The following TRPM3 variants were observed in gnomAD, a reference collection of about 807,000 sequenced individuals.
TRPM3 encodes long transient receptor potential channel 3.
Under a neutral mutation model 181.2 loss-of-function variants are expected in TRPM3, and 77 were observed. That is an observed-to-expected ratio of 0.42 (90% CI 0.35 to 0.51). TRPM3 has a LOEUF of 0.51. Among genes scored for constraint, TRPM3 ranks in the 20% least tolerant of loss-of-function variants. The pLI, the probability that TRPM3 is intolerant of heterozygous loss-of-function variation, is 0.01. For missense variants in TRPM3, 1,759 were observed against 2,196.7 expected (o/e 0.80, Z 3.98); for synonymous variants, 745 against 796.4 (o/e 0.94, Z 1.09).
intron 25 of TRPM3, among the ~76,000 whole-genome samples, 193 bp downstream of exon 25, chr9:70,549,349 G>A (rs1038907876): frequency 6.6e-6 from 1 of 152,164 alleles, no homozygotes; most frequent in Non-Finnish European, 1.5e-5. Context: ...GAGAAGTCTA[G>A]GATCTGTAAG....
At chr9:71,143,930 C>A (rs548427085) in intron 1 of TRPM3, among the ~76,000 whole-genome samples, 1 of 152,100 alleles carries the variant, frequency 6.6e-6, no homozygotes, top group Non-Finnish European at 1.5e-5. Context: ...ATTTGCAGTT[C>A]TCTAATGATC....
intron 19 of TRPM3, among the ~76,000 whole-genome samples, chr9:70,609,054 T>C (rs1234019310): frequency 6.6e-6 from 1 of 152,196 alleles, no homozygotes; most frequent in Non-Finnish European, 1.5e-5. Flanking sequence ...ACATTGTACT[T>C]ATATGTCAAG....
Position 70,624,717 on chromosome 9 carries a change from C to T in TRPM3, c.1809+474G>A, listed in dbSNP as rs374647728. Among the ~76,000 whole-genome samples, 110 of 152,268 alleles carry T rather than the reference C, an allele frequency of 7.2e-4. 3 individuals are homozygous for T. In the South Asian group the frequency reaches 0.021, roughly 29 times the overall value. On this transcript the variant is annotated intron_variant, in intron 14 of 25. Coordinates refer to ENST00000677713, the MANE Select transcript of TRPM3 (RefSeq NM_001366145.2). ...ACTGAATCCACAAGTAGATATCTAG[C>T]CCTCTTCTATTAAGCTGGACATTAC...
intron 1 of TRPM3, among the ~76,000 whole-genome samples, chr9:71,286,364 A>C (rs2085276897): frequency 6.6e-6 from 1 of 152,148 alleles, no homozygotes; most frequent in African/African-American, 2.4e-5. Flanking sequence ...TCGTGCTGTG[A>C]TTTGCCCTTC....
intron 9 of TRPM3, among the ~76,000 whole-genome samples, chr9:70,658,208 G>T (rs922750679): frequency 1.3e-5 from 2 of 152,086 alleles, no homozygotes; most frequent in Non-Finnish European, 2.9e-5. Flanking sequence ...AAAGAATGAA[G>T]GTTATAACCT....
upstream of TRPM3, among the ~76,000 whole-genome samples, chr9:71,124,198 C>T (rs1448877435): frequency 6.6e-6 from 1 of 151,774 alleles, no homozygotes; most frequent in African/African-American, 2.4e-5. Flanking sequence ...GAATTGTTTG[C>T]TATCAAAACA....
chr9:70,827,687 G>T, intron 6 of TRPM3, 160 bp downstream of exon 6: 1 of 792,576 alleles, frequency 1.3e-6, no homozygotes, highest in Non-Finnish European at 2.0e-6. Context: ...GTTCTCCTCT[G>T]GATGGCTTCC....
At chr9:70,605,783 C>CAAATTCCATCACTTGTAGGTG (rs960718920) in intron 19 of TRPM3, among the ~76,000 whole-genome samples, 3 of 152,220 alleles carry the variant, frequency 2.0e-5, no homozygotes, top group Non-Finnish European at 2.9e-5. Context: ...TTAGTTGGGT[C>CAAATTCCATCACTTGTAGGTG]AAATTCCATC....
intron 1 of TRPM3, among the ~76,000 whole-genome samples, chr9:71,223,709 C>T (rs1415094543): frequency 6.6e-6 from 1 of 152,174 alleles, no homozygotes; most frequent in Non-Finnish European, 1.5e-5. Context: ...TGGCAGCATT[C>T]ACTACAATCT....
At chr9:71,076,954 G>A (rs964387852) in intron 1 of TRPM3, among the ~76,000 whole-genome samples, 17 of 152,068 alleles carry the variant, frequency 1.1e-4, no homozygotes, top group Admixed American at 7.2e-4. Flanking sequence ...TCAAAAACAG[G>A]AGAATCAATT....
intron 1 of TRPM3, among the ~76,000 whole-genome samples, chr9:71,309,110 A>T (rs536693542): frequency 6.6e-6 from 1 of 152,222 alleles, no homozygotes; most frequent in Non-Finnish European, 1.5e-5. Flanking sequence ...ACCAACTGAA[A>T]TTTACTTTTA....
At chr9:70,933,829 G>A (rs1427763103) in intron 1 of TRPM3, among the ~76,000 whole-genome samples, 1 of 152,058 alleles carries the variant, frequency 6.6e-6, no homozygotes, top group African/African-American at 2.4e-5. Flanking sequence ...AACTTATAGT[G>A]TTGGGTTCCT....
At chr9:70,818,600 G>A (rs1395431090) in intron 6 of TRPM3, among the ~76,000 whole-genome samples, 1 of 152,192 alleles carries the variant, frequency 6.6e-6, no homozygotes, top group Non-Finnish European at 1.5e-5. Flanking sequence ...TAAAGCAGTG[G>A]TGCTAAGAGT....
At chr9:70,883,605 T>G (rs922315354) in intron 1 of TRPM3, among the ~76,000 whole-genome samples, 2 of 152,216 alleles carry the variant, frequency 1.3e-5, no homozygotes, top group Non-Finnish European at 2.9e-5. Context: ...TAATTTCTCC[T>G]CCTCGAAGTG....
chr9:70,655,220 C>T (rs1286023849), intron 9 of TRPM3, among the ~76,000 whole-genome samples: 5 of 137,310 alleles, frequency 3.6e-5, no homozygotes, highest in Non-Finnish European at 4.6e-5. Flanking sequence ...GCAGGAGAAT[C>T]ACTTGAACCT....
At chr9:70,860,277 T>C (rs1327842919) in intron 3 of TRPM3, among the ~76,000 whole-genome samples, 1 of 152,092 alleles carries the variant, frequency 6.6e-6, no homozygotes, top group Non-Finnish European at 1.5e-5. Flanking sequence ...AGTTAAACAG[T>C]GAGAGAGTGA....
intron 1 of TRPM3, among the ~76,000 whole-genome samples, chr9:71,373,733 G>GAA (rs931309942): frequency 6.7e-6 from 1 of 149,636 alleles, no homozygotes; most frequent in African/African-American, 2.5e-5. Context: ...ACTGAAATTA[G>GAA]AAAAAAAAAT....
chr9:70,624,529 C>A (rs757755115), intron 14 of TRPM3, among the ~76,000 whole-genome samples: 1 of 152,052 alleles, frequency 6.6e-6, no homozygotes, highest in Non-Finnish European at 1.5e-5. Flanking sequence ...TTTTAAGAAA[C>A]GTTACTTATT....
intron 1 of TRPM3, among the ~76,000 whole-genome samples, chr9:71,248,723 A>G (rs1404969574): frequency 6.6e-6 from 1 of 152,084 alleles, no homozygotes; most frequent in Non-Finnish European, 1.5e-5. Context: ...CTTTTAACAG[A>G]GCCCTGGTGT....
Sources: allele counts gnomAD v4.1 joint callset (sites outside exome capture counted in the v4.1 genomes callset), GRCh38; gene constraint gnomAD v4.1.1; transcripts MANE v1.5; gene names NCBI Gene and HGNC (gene_info 2026-07-23, HGNC 2026-07-21).